The following C8orf82 variants were observed in gnomAD, a reference collection of about 807,000 sequenced individuals.
C8orf82 encodes UPF0598 protein C8orf82.
C8orf82 carries 24 observed loss-of-function variants against 15.0 expected under a neutral mutation model. The observed-to-expected ratio is 1.60, with a 90% CI of 1.16 to 2.24. The LOEUF is 2.24. Among genes scored for constraint, C8orf82 ranks in the 30% most tolerant of loss-of-function variants. The probability of loss-of-function intolerance (pLI) is 0.00; values close to 1 mark genes in which losing one functional copy is unlikely to be tolerated. For synonymous variants in C8orf82, 205 were observed against 152.2 expected (o/e 1.35, Z -2.55); for missense variants, 388 against 317.4 (o/e 1.22, Z -1.69).
chr8:144,527,880 G>T (rs747515875), intron 2 of C8orf82, 93 bp from the exon 3 acceptor site: 12 of 1,527,104 alleles, frequency 7.9e-6, no homozygotes, highest in Non-Finnish European at 6.3e-6. Context: ...ACGGTAAGAG[G>T]TTCGCCTGGC....
rs779461393 is a variant in C8orf82 at position 144,527,956 on chromosome 8, T to G, written c.205+68A>C. ...TGGTGCGCTGGGCCCGTCGGCAGAG[T>G]CGGGGAGCCCATCAGGGGCTGCCCG... On this transcript the variant is annotated intron_variant, in intron 2 of 2. Coordinates refer to ENST00000524821, the MANE Select transcript of C8orf82 (RefSeq NM_001001795.2). 4.5e-6 allele frequency: 7 copies of G among 1,554,218 alleles called. No individual in the cohort carries two copies. In the South Asian group the frequency reaches 5.6e-5, roughly 12 times the overall value.
chr8:144,527,552 G>T lies in C8orf82; in HGVS notation c.441C>A (p.Pro147=). 2 of 1,415,084 alleles carry T rather than the reference G, an allele frequency of 1.4e-6. No homozygotes were observed. Among genetic ancestry groups the T allele is most frequent in the Non-Finnish European group, 1.8e-6 (2 of 1,092,596 alleles). 87.7% of individuals were successfully genotyped at this position (1,415,084 alleles called of 1,614,324 possible). A position where few individuals can be genotyped will look rare whatever the true frequency, so the allele number is the denominator to read the frequency against. ...AVPFEPARLL[P]LAANGRLYHP... ...GGTACAGGCGCCCGTTGGCGGCCAG[G>T]GGCAGCAGGCGCGCCGGCTCGAAGG... The change falls in exon 3 of 3, where the codon CCC becomes CCA. Residue 147 remains proline, a synonymous_variant. Coordinates refer to ENST00000524821, the MANE Select transcript of C8orf82 (RefSeq NM_001001795.2).
At position 144,528,367 on chromosome 8, in the gene C8orf82, T is replaced by C. The variant is rs1816462842; in HGVS notation, c.157-295A>G. ...CCTCCGCGGAGACTACCTGGCCTGC[T>C]GCCTCCCGGACATGCAGCTGCCTTT... On this transcript the variant is annotated intron_variant, in intron 1 of 2. Coordinates refer to ENST00000524821, the MANE Select transcript of C8orf82 (RefSeq NM_001001795.2). 4 of 1,499,750 alleles carry C rather than the reference T, an allele frequency of 2.7e-6. No homozygotes were observed. In the South Asian group the frequency reaches 4.8e-5, roughly 18 times the overall value. 92.9% of individuals were successfully genotyped at this position (1,499,750 alleles called of 1,614,324 possible).
At position 144,528,063 on chromosome 8, in the gene C8orf82, C is replaced by G; in HGVS notation, c.166G>C (p.Asp56His). Reference sequence around the variant, plus strand: ...ATGAAATTCTTCATTTTGGAATCATCCAGGAAAAGCTGCAGATAGAGGGCC... The same window carrying G: ...ATGAAATTCTTCATTTTGGAATCATGCAGGAAAAGCTGCAGATAGAGGGCC... ...YVDHQGQLFLDDSKMKNFITC... is the reference protein window; with the variant it reads ...YVDHQGQLFLHDSKMKNFITC... Residue 56 changes from aspartate to histidine, a missense_variant, in exon 2 of 3, where the codon GAT becomes CAT. Transcript: ENST00000524821. The G allele has an allele frequency of 6.2e-7, 1 of 1,612,834 alleles. No homozygotes were observed.
chr8:144,527,767 A>T lies in C8orf82; in HGVS notation c.226T>A (p.Phe76Ile), dbSNP rs1816427497. Residue 76 changes from phenylalanine to isoleucine, a missense_variant, in exon 3 of 3, where the codon TTC becomes ATC. By Grantham distance (21) the Phe-to-Ile change is conservative. Coordinates refer to ENST00000524821, the MANE Select transcript of C8orf82 (RefSeq NM_001001795.2). ...CGGTTGGGTCTCAGGCGGGAGAAGAAGGTGACCAGGAACTGCGGGTCTGGG... is the reference window on the plus strand; with the variant it reads ...CGGTTGGGTCTCAGGCGGGAGAAGATGGTGACCAGGAACTGCGGGTCTGGG... Reference protein sequence around the residue: ...CFKDPQFLVTFFSRLRPNRSG... With the variant: ...CFKDPQFLVTIFSRLRPNRSG... The T allele has an allele frequency of 3.8e-6, 6 of 1,594,774 alleles. No individual in the cohort carries two copies. The highest frequency in any genetic ancestry group is 2.2e-5 in the South Asian group (2 of 90,674).
intron 1 of C8orf82, 22 bp from the exon 2 acceptor site, chr8:144,528,094 G>C: frequency 6.2e-7 from 1 of 1,611,718 alleles, no homozygotes; most frequent in Non-Finnish European, 8.5e-7. Flanking sequence ...GGGCCAGGCC[G>C]TGATAAGTCC....
In C8orf82 at chr8:144,529,057, C is replaced by G. The variant is rs971807248; in HGVS notation, c.-141G>C. The G allele has an allele frequency of 2.4e-6, 2 of 826,132 alleles. No homozygotes were observed. Among genetic ancestry groups the G allele is most frequent in the African/African-American group, 3.7e-5 (2 of 53,986 alleles). 51.2% of individuals were successfully genotyped at this position (826,132 alleles called of 1,614,324 possible). ...CCGGGCCCGGCGCTCTTCCCTCTCC[C>G]TCGGGCCTCGGGGGCTCGCCCGCCC... On this transcript the variant is annotated 5_prime_UTR_variant, in exon 1 of 3. Transcript: ENST00000524821.
Position 144,527,616 on chromosome 8 carries a change from C to G in C8orf82, c.377G>C (p.Arg126Pro), listed in dbSNP as rs765606685. 23 of 1,528,678 alleles carry G rather than the reference C, an allele frequency of 1.5e-5. No individual in the cohort carries two copies. Among genetic ancestry groups the G allele is most frequent in the Non-Finnish European group, 1.8e-5 (21 of 1,142,838 alleles). 94.7% of individuals were successfully genotyped at this position (1,528,678 alleles called of 1,614,324 possible). A position where few individuals can be genotyped will look rare whatever the true frequency, so the allele number is the denominator to read the frequency against. The change falls in exon 3 of 3, where the codon CGC (arginine) becomes CCC (proline). Residue 126 changes from arginine (R) to proline (P), a missense_variant. Coordinates refer to ENST00000524821, the MANE Select transcript of C8orf82 (RefSeq NM_001001795.2). ...HLLTADHGPP[R>P]LSYCGGGEAL... ...CTCGCCACCGCCGCAGTAGGAGAGG[C>G]GCGGAGGCCCGTGGTCCGCGGTCAG...
Position 144,527,519 on chromosome 8 carries a change from C to A in C8orf82, c.474G>T (p.Ala158=), listed in dbSNP as rs1242369217. ...LAANGRLYHP[A]PERAGGVGLV... is the part of the protein sequence containing the mutation. ...GGCCCACGCCGCCCGCACGCTCCGGCGCCGGGTGGTACAGGCGCCCGTTGG... is the reference window on the plus strand; with the variant it reads ...GGCCCACGCCGCCCGCACGCTCCGGAGCCGGGTGGTACAGGCGCCCGTTGG... The change falls in exon 3 of 3, where the codon GCG becomes GCT. Residue 158 remains alanine, a synonymous_variant. Coordinates refer to ENST00000524821, the MANE Select transcript of C8orf82 (RefSeq NM_001001795.2). 1 of 1,347,184 alleles carries A rather than the reference C, an allele frequency of 7.4e-7. No homozygotes were observed. Among genetic ancestry groups the A allele is most frequent in the Non-Finnish European group, 9.5e-7 (1 of 1,054,596 alleles). The allele number at this position is 1,347,184 out of a possible 1,614,324, so 83.5% of individuals were successfully genotyped here.
rs1415196787 is a variant in C8orf82, at chr8:144,527,617, G to C, written c.376C>G (p.Arg126Gly). The C allele has an allele frequency of 6.5e-7, 1 of 1,529,524 alleles. No homozygotes were observed. The highest frequency in any genetic ancestry group is 1.2e-5 in the South Asian group (1 of 83,870). The allele number at this position is 1,529,524 out of a possible 1,614,324, so 94.7% of individuals were successfully genotyped here. A position where few individuals can be genotyped will look rare whatever the true frequency, so the allele number is the denominator to read the frequency against. The change falls in exon 3 of 3, where the codon CGC becomes GGC. Residue 126 changes from arginine (R) to glycine (G), a missense_variant. Arg to Gly is a moderately radical substitution (Grantham distance 125). Transcript: ENST00000524821. ...HLLTADHGPPRLSYCGGGEAL... is the reference protein window; with the variant it reads ...HLLTADHGPPGLSYCGGGEAL... ...TCGCCACCGCCGCAGTAGGAGAGGC[G>C]CGGAGGCCCGTGGTCCGCGGTCAGC...
In C8orf82 at chr8:144,527,717, G is replaced by A; in HGVS notation, c.276C>T (p.Phe92=). Residue 92 remains phenylalanine, a synonymous_variant, in exon 3 of 3, where the codon TTC becomes TTT. Transcript: ENST00000524821. ...CTCTGCCGCAGGGCGAGAGGAAGGG[G>A]AAAGCGGCCTCGTAGCGCCCGCTGC... ...PNRSGRYEAA[F]PFLSPCGRER... 2 of 1,590,842 alleles carry A rather than the reference G, an allele frequency of 1.3e-6. No individual in the cohort carries two copies. The highest frequency in any genetic ancestry group is 1.7e-6 in the Non-Finnish European group (2 of 1,175,962).
Position 144,527,626 on chromosome 8 carries a change from C to A in C8orf82, c.367G>T (p.Gly123Trp). 1 of 1,533,508 alleles carries A rather than the reference C, an allele frequency of 6.5e-7. No individual in the cohort carries two copies. The highest frequency in any genetic ancestry group is 1.2e-5 in the South Asian group (1 of 84,078). The allele number at this position is 1,533,508 out of a possible 1,614,324, so 95.0% of individuals were successfully genotyped here. The change falls in exon 3 of 3, where the codon GGG becomes TGG. Residue 123 changes from glycine to tryptophan, a missense_variant. Transcript: ENST00000524821. ...VFTHLLTADH[G>W]PPRLSYCGGG... ...CCGCAGTAGGAGAGGCGCGGAGGCC[C>A]GTGGTCCGCGGTCAGCAGGTGCGTG... is the stretch of plus-strand genomic sequence containing the variant.
rs1378802400 is a variant in C8orf82 at position 144,526,165 on chromosome 8, A to G, written c.*1177T>C. On this transcript the variant is annotated 3_prime_UTR_variant, in exon 3 of 3. Coordinates refer to ENST00000524821, the MANE Select transcript of C8orf82 (RefSeq NM_001001795.2). ...ACAGGACCAAGTGGCCTTGGTGTTT[A>G]AATCTTGCCCTAAATTGTAACTCAC... The G allele has an allele frequency of 6.6e-6, 1 of 152,244 alleles. No homozygotes were observed. The highest frequency in any genetic ancestry group is 1.5e-5 in the Non-Finnish European group (1 of 68,042). The allele number at this position is 152,244 out of a possible 1,614,324, so 9.4% of individuals were successfully genotyped here.
At chr8:144,527,818 C>T (rs1217787699) in intron 2 of C8orf82, 31 bp from the exon 3 acceptor site, 1 of 1,588,152 alleles carries the variant, frequency 6.3e-7, no homozygotes, top group Non-Finnish European at 8.5e-7. Flanking sequence ...GTACTCAGCG[C>T]GCTGGGCTCC....
At chr8:144,528,098 T>G (rs758168999) in intron 1 of C8orf82, 26 bp from the exon 2 acceptor site, 1 of 1,611,718 alleles carries the variant, frequency 6.2e-7, no homozygotes, top group South Asian at 1.1e-5. Context: ...CAGGCCGTGA[T>G]AAGTCCCAGC....
intron 1 of C8orf82, 90 bp from the exon 2 acceptor site, chr8:144,528,162 A>G: frequency 1.3e-6 from 2 of 1,562,814 alleles, no homozygotes; most frequent in African/African-American, 1.4e-5. Context: ...GAGGTCCTGA[A>G]CCGGCCCGAG....
chr8:144,528,968 G>C lies in C8orf82; in HGVS notation c.-52C>G, dbSNP rs905112768. 7 of 1,453,390 alleles carry C rather than the reference G, an allele frequency of 4.8e-6. No individual in the cohort carries two copies. The Admixed American group carries it at 8.2e-5, about 17-fold the overall frequency. 90.0% of individuals were successfully genotyped at this position (1,453,390 alleles called of 1,614,324 possible). A position where few individuals can be genotyped will look rare whatever the true frequency, so the allele number is the denominator to read the frequency against. ...CAGGTCACGCCGGGGGCGGTGCTGCGCGAACTCGCGCCTGCCCGCAGTAGC... is the reference window on the plus strand; with the variant it reads ...CAGGTCACGCCGGGGGCGGTGCTGCCCGAACTCGCGCCTGCCCGCAGTAGC... On this transcript the variant is annotated 5_prime_UTR_variant, in exon 1 of 3. Coordinates refer to ENST00000524821, the MANE Select transcript of C8orf82 (RefSeq NM_001001795.2).
In C8orf82 at chr8:144,528,908, C is replaced by T. The variant is rs766134126; in HGVS notation, c.9G>A (p.Pro3=). 2.7e-6 allele frequency: 4 copies of T among 1,508,434 alleles called. No homozygotes were observed. In the Admixed American group the frequency reaches 6.6e-5, roughly 25 times the overall value. The allele number at this position is 1,508,434 out of a possible 1,614,324, so 93.4% of individuals were successfully genotyped here. A position where few individuals can be genotyped will look rare whatever the true frequency, so the allele number is the denominator to read the frequency against. MW[P]PCGTLRTLAL... is the part of the protein sequence containing the mutation. ...CCAGGGTCCGGAGCGTCCCGCAAGG[C>T]GGCCACATTCTCCTCCCGCGCCGGA... is the stretch of plus-strand genomic sequence containing the variant. Residue 3 remains proline (P), a synonymous_variant, in exon 1 of 3, where the codon CCG becomes CCA. Transcript: ENST00000524821.
At chr8:144,528,547 C>A in intron 1 of C8orf82, 1 of 1,331,720 alleles carries the variant, frequency 7.5e-7, no homozygotes, top group Non-Finnish European at 9.8e-7. Context: ...CGGACCGACC[C>A]AACTCCCCGT....
Sources: gnomAD v4.1 joint callset for allele counts on GRCh38, gnomAD v4.1.1 for gene constraint, MANE v1.5 for transcripts, NCBI Gene and HGNC (gene_info 2026-07-23, HGNC 2026-07-21) for gene names.